The following WASF2 variants were observed in gnomAD, a reference collection of about 807,000 sequenced individuals.
WASF2 encodes the protein actin-binding protein WASF2.
Under a neutral mutation model 45.0 loss-of-function variants are expected in WASF2, and 14 were observed. The observed-to-expected ratio is 0.31, with a 90% CI of 0.21 to 0.49. WASF2 has a LOEUF of 0.49. Ranked by LOEUF, WASF2 falls within the 20% of genes least tolerant of loss-of-function variation. WASF2 has a pLI of 0.99. For synonymous variants in WASF2, 200 were observed against 236.3 expected, an observed-to-expected ratio of 0.85 and a Z score of 1.41; for missense variants, 439 against 636.1, an observed-to-expected ratio of 0.69 and a Z score of 3.33.
At chr1:27,430,321 A>G (rs1222018164) in intron 1 of WASF2, among the ~76,000 whole-genome samples, 1 of 152,190 alleles carries the variant, frequency 6.6e-6, no homozygotes, top group Non-Finnish European at 1.5e-5. Flanking sequence ...GAAAAGGTAA[A>G]GCATAAAGTT....
At chr1:27,472,999 C>T (rs1443055206) in intron 1 of WASF2, among the ~76,000 whole-genome samples, 2 of 132,642 alleles carry the variant, frequency 1.5e-5, no homozygotes, top group Non-Finnish European at 3.2e-5. Flanking sequence ...AGGAAACAAA[C>T]AACAAAAAAA....
intron 2 of WASF2, among the ~76,000 whole-genome samples, chr1:27,423,077 G>A (rs1421449850): frequency 6.7e-6 from 1 of 150,100 alleles, no homozygotes; most frequent in Non-Finnish European, 1.5e-5. Context: ...AGAGGCAAAG[G>A]TTGCAGTGAG....
intron 1 of WASF2, among the ~76,000 whole-genome samples, chr1:27,467,876 C>T (rs1193129054): frequency 6.6e-6 from 1 of 151,940 alleles, no homozygotes; most frequent in Non-Finnish European, 1.5e-5. Flanking sequence ...CACGCCACTG[C>T]ACTCCAGCCT....
intron 2 of WASF2, among the ~76,000 whole-genome samples, chr1:27,422,132 A>T (rs1415561772): frequency 4.6e-5 from 7 of 152,114 alleles, no homozygotes; most frequent in Non-Finnish European, 8.8e-5. Context: ...TAGTAGAAGT[A>T]GAGGCTCAGT....
chr1:27,451,309 G>C (rs1196049152), intron 1 of WASF2, among the ~76,000 whole-genome samples: 3 of 152,174 alleles, frequency 2.0e-5, no homozygotes, highest in African/African-American at 7.2e-5. Flanking sequence ...AAGAGGGGCA[G>C]TCAGTTAAGA....
intron 1 of WASF2, among the ~76,000 whole-genome samples, chr1:27,465,139 AAAT>A (rs1315391564): frequency 1.3e-5 from 2 of 152,236 alleles, no homozygotes; most frequent in African/African-American, 4.8e-5. Context: ...TTTACTTCTC[AAAT>A]ATCTTTCTAA....
intron 2 of WASF2, among the ~76,000 whole-genome samples, chr1:27,427,625 G>C (rs2017003949): frequency 6.6e-6 from 1 of 152,188 alleles, no homozygotes; most frequent in Admixed American, 6.5e-5. Context: ...GATGATCCCT[G>C]AGGTAGGTGA....
chr1:27,464,806 G>A (rs1028090767), intron 1 of WASF2, among the ~76,000 whole-genome samples: 22 of 152,292 alleles, frequency 1.4e-4, no homozygotes, highest in African/African-American at 5.1e-4. Flanking sequence ...TTGGCTTACT[G>A]CAACCTGTGC....
chr1:27,420,007 C>T (rs540797914), intron 2 of WASF2, among the ~76,000 whole-genome samples: 2 of 152,154 alleles, frequency 1.3e-5, no homozygotes, highest in African/African-American at 4.8e-5. Context: ...TGGGCTCAAG[C>T]GATTCTCATG....
chr1:27,420,670 T>C (rs749184714), intron 2 of WASF2, among the ~76,000 whole-genome samples: 7 of 151,926 alleles, frequency 4.6e-5, no homozygotes, highest in Non-Finnish European at 8.8e-5. Flanking sequence ...TACAGGTGCC[T>C]GCCACAACGC....
intron 1 of WASF2, among the ~76,000 whole-genome samples, chr1:27,478,115 CAGA>C (rs1408394951): frequency 1.3e-5 from 2 of 150,494 alleles, no homozygotes; most frequent in African/African-American, 2.4e-5. Context: ...GAGGCTGAGG[CAGA>C]AGAACTGCTT....
At chr1:27,433,769 TACTC>T (rs1291526712) in intron 1 of WASF2, among the ~76,000 whole-genome samples, 3 of 152,244 alleles carry the variant, frequency 2.0e-5, no homozygotes, top group Non-Finnish European at 4.4e-5. Context: ...TATACAGTTA[TACTC>T]ACTAAGTGAT....
chr1:27,408,435 G>A, intron 8 of WASF2, 89 bp from the exon 9 acceptor site: 2 of 1,527,228 alleles, frequency 1.3e-6, no homozygotes, highest in Non-Finnish European at 1.8e-6. Flanking sequence ...GGCCACCAAT[G>A]GGTAAGTGGT....
intron 2 of WASF2, among the ~76,000 whole-genome samples, chr1:27,424,056 T>C (rs1557600286): frequency 6.6e-6 from 1 of 152,208 alleles, no homozygotes. Flanking sequence ...CCAATCTCAC[T>C]ATTCTGAGAA....
intron 1 of WASF2, among the ~76,000 whole-genome samples, chr1:27,430,582 G>A (rs1468574669): frequency 2.0e-5 from 3 of 151,800 alleles, no homozygotes; most frequent in Non-Finnish European, 4.4e-5. Flanking sequence ...GACTTGTCTC[G>A]AACTCCTGAG....
chr1:27,458,696 G>A (rs552079154), intron 1 of WASF2, among the ~76,000 whole-genome samples: 24 of 152,064 alleles, frequency 1.6e-4, no homozygotes, highest in African/African-American at 5.3e-4. Context: ...GGGGTGCTGA[G>A]GCAGGAGAAT....
At chr1:27,434,960 T>C (rs564731513) in intron 1 of WASF2, among the ~76,000 whole-genome samples, 3 of 152,296 alleles carry the variant, frequency 2.0e-5, no homozygotes, top group African/African-American at 7.2e-5. Context: ...CAATTTTTTT[T>C]TTTTAGACGG....
At chr1:27,445,196 A>G (rs1389579123) in intron 1 of WASF2, among the ~76,000 whole-genome samples, 1 of 152,214 alleles carries the variant, frequency 6.6e-6, no homozygotes, top group East Asian at 1.9e-4. Flanking sequence ...CCTAAAATGT[A>G]CCAGATATTT....
intron 1 of WASF2, among the ~76,000 whole-genome samples, chr1:27,435,151 T>TG (rs1320289067): frequency 6.6e-6 from 1 of 152,176 alleles, no homozygotes; most frequent in African/African-American, 2.4e-5. Flanking sequence ...TTCTCCATGT[T>TG]GGTCAGGCTG....
Sources: allele counts gnomAD v4.1 joint callset (sites outside exome capture counted in the v4.1 genomes callset), GRCh38; gene constraint gnomAD v4.1.1; transcripts MANE v1.5; gene names NCBI Gene and HGNC (gene_info 2026-07-23, HGNC 2026-07-21).